ADAMTS19: variants seen among roughly 807,000 people sequenced by gnomAD.
ADAMTS19 encodes A disintegrin and metalloproteinase with thrombospondin motifs 19.
Under a neutral mutation model 153.3 loss-of-function variants are expected in ADAMTS19, and 93 were observed. The observed-to-expected ratio is 0.61, with a 90% CI of 0.51 to 0.72. The LOEUF (loss-of-function observed/expected upper bound fraction) is 0.72, where lower values mean the gene tolerates loss of function less well. Ranked by LOEUF, ADAMTS19 falls within the 30% of genes least tolerant of loss-of-function variation. The probability of loss-of-function intolerance (pLI) is 0.00; values close to 1 mark genes in which losing one functional copy is unlikely to be tolerated. For missense variants in ADAMTS19, 1,482 were observed against 1,552.1 expected, an observed-to-expected ratio of 0.95 and a Z score of 0.76; for synonymous variants, 600 against 556.6, an observed-to-expected ratio of 1.08 and a Z score of -1.10.
intron 21 of ADAMTS19, among the ~76,000 whole-genome samples, chr5:129,723,941 G>A (rs924602960): frequency 3.9e-5 from 6 of 152,204 alleles, no homozygotes; most frequent in Non-Finnish European, 5.9e-5. Context: ...AAGATGTTCT[G>A]ATTGGCAATT....
intron 18 of ADAMTS19, among the ~76,000 whole-genome samples, chr5:129,687,859 C>T (rs957411293): frequency 6.6e-6 from 1 of 152,066 alleles, no homozygotes; most frequent in Non-Finnish European, 1.5e-5. Flanking sequence ...TTATTATATT[C>T]TGTTATGTAA....
Position 129,460,471 on chromosome 5 carries a change from G to C in ADAMTS19, c.80G>C (p.Gly27Ala), listed in dbSNP as rs769756874. ...LLYQLGFLSN[G>A]IVSELQFAPD... ...TACCAGCTGGGGTTCCTGTCGAATG[G>C]GATCGTTTCAGGTAAGTTCTTCCGT... The change falls in exon 1 of 23, where the codon GGG becomes GCG. Residue 27 changes from glycine to alanine, a missense_variant. Around this residue, in one of 2 missense-constraint regions of ADAMTS19, gnomAD observed 866 missense variants for 827.7 expected, o/e 1.05. Transcript: ENST00000274487. 17 of 1,614,146 alleles carry C rather than the reference G, an allele frequency of 1.1e-5. No homozygotes were observed. The East Asian group carries it at 3.6e-4, about 34-fold the overall frequency.
intron 16 of ADAMTS19, among the ~76,000 whole-genome samples, chr5:129,676,191 G>T (rs1283152929): frequency 6.6e-6 from 1 of 152,006 alleles, no homozygotes; most frequent in Non-Finnish European, 1.5e-5. Context: ...TTGGATGCTG[G>T]ATATTATGAA....
At chr5:129,498,778 G>A (rs1751006207) in intron 2 of ADAMTS19, among the ~76,000 whole-genome samples, 1 of 149,364 alleles carries the variant, frequency 6.7e-6, no homozygotes, top group Admixed American at 6.7e-5. Flanking sequence ...ACCCTTTCTG[G>A]CTTCTCTAGC....
chr5:129,571,206 A>G (rs190407327), intron 7 of ADAMTS19, among the ~76,000 whole-genome samples: 88 of 152,084 alleles, frequency 5.8e-4, no homozygotes, highest in Non-Finnish European at 1.1e-3. Context: ...AAATGAGGTT[A>G]GCAGAATCAA....
At chr5:129,588,498 T>C (rs1749932664) in intron 7 of ADAMTS19, among the ~76,000 whole-genome samples, 1 of 152,104 alleles carries the variant, frequency 6.6e-6, no homozygotes, top group Non-Finnish European at 1.5e-5. Context: ...TCTGTATCTT[T>C]ACTTTCTTTT....
At chr5:129,617,548 G>C (rs1462790237) in intron 8 of ADAMTS19, among the ~76,000 whole-genome samples, 6 of 152,014 alleles carry the variant, frequency 3.9e-5, no homozygotes, top group African/African-American at 1.4e-4. Context: ...TGTATGGTTT[G>C]AAAGATTATG....
chr5:129,647,455 C>T (rs115179330), intron 11 of ADAMTS19, among the ~76,000 whole-genome samples: 1,792 of 152,134 alleles, frequency 0.012, 38 homozygotes, highest in African/African-American at 0.041. Flanking sequence ...GATTTTCTTT[C>T]CTGGTTGTGC....
chr5:129,635,704 CAG>C (rs1177628149), intron 10 of ADAMTS19, among the ~76,000 whole-genome samples: 1 of 151,944 alleles, frequency 6.6e-6, no homozygotes, highest in African/African-American at 2.4e-5. Flanking sequence ...TAAATGGACA[CAG>C]AGGGGAACAA....
At chr5:129,627,438 T>C (rs1024693799) in intron 10 of ADAMTS19, among the ~76,000 whole-genome samples, 2 of 151,982 alleles carry the variant, frequency 1.3e-5, no homozygotes, top group African/African-American at 4.8e-5. Flanking sequence ...GGTCTGGACA[T>C]AGGAATGAGC....
rs1226841355 is a variant in ADAMTS19 at position 129,528,523 on chromosome 5, G to C, written c.1174G>C (p.Glu392Gln). Residue 392 changes from glutamate (E) to glutamine (Q), a missense_variant, in exon 6 of 23, where the codon GAA becomes CAA. Coordinates refer to ENST00000274487, the MANE Select transcript of ADAMTS19 (RefSeq NM_133638.6). Reference sequence around the variant, plus strand: ...GATGAGCTCTGTTCTTTTGCAGCCAGAACTATATATTGGGCATCATGGAGA... The same window carrying C: ...GATGAGCTCTGTTCTTTTGCAGCCACAACTATATATTGGGCATCATGGAGA... Reference protein sequence around the residue: ...KLILLHETPPELYIGHHGEKM... With the variant: ...KLILLHETPPQLYIGHHGEKM... The C allele has an allele frequency of 1.3e-6, 2 of 1,589,788 alleles. No individual in the cohort carries two copies. Among genetic ancestry groups the C allele is most frequent in the African/African-American group, 2.7e-5 (2 of 73,260 alleles).
chr5:129,718,256 TTTGA>T (rs908045877), intron 21 of ADAMTS19, among the ~76,000 whole-genome samples: 45 of 147,838 alleles, frequency 3.0e-4, no homozygotes, highest in African/African-American at 9.5e-4. Flanking sequence ...AAGCAATCTG[TTTGA>T]TTTTGTCACA....
At position 129,610,402 on chromosome 5, in the gene ADAMTS19, T is replaced by A. The variant is rs148300041; in HGVS notation, c.1479-10216T>A. ...TGTGCTGCACCCATTAACTTGTCAG[T>A]TACATTGGGTATATCTCCTAATGCT... On this transcript the variant is annotated intron_variant, in intron 8 of 22. Transcript: ENST00000274487. 8.8e-3 allele frequency among the ~76,000 whole-genome samples: 1,335 copies of A among 152,240 alleles called. 8 individuals are homozygous for A. The highest frequency in any genetic ancestry group is 0.01 in the Non-Finnish European group (700 of 68,016).
chr5:129,671,296 T>C (rs948166741), intron 16 of ADAMTS19, among the ~76,000 whole-genome samples: 1 of 152,116 alleles, frequency 6.6e-6, no homozygotes. Flanking sequence ...TGAGTGTTGA[T>C]AGAGGATAAA....
chr5:129,509,344 TG>T, intron 3 of ADAMTS19, 102 bp downstream of exon 3: 1 of 1,104,150 alleles, frequency 9.1e-7, no homozygotes. Flanking sequence ...TTATTTTTAA[TG>T]TAGAATCTTT....
At chr5:129,493,512 T>A (rs968328825) in intron 2 of ADAMTS19, among the ~76,000 whole-genome samples, 2 of 151,872 alleles carry the variant, frequency 1.3e-5, no homozygotes, top group Non-Finnish European at 2.9e-5. Context: ...TGCTTTGTAA[T>A]TTTTTAAAAA....
At chr5:129,512,370 A>T (rs543700118) in intron 3 of ADAMTS19, among the ~76,000 whole-genome samples, 12 of 152,190 alleles carry the variant, frequency 7.9e-5, no homozygotes, top group African/African-American at 2.9e-4. Flanking sequence ...GAATAATTCT[A>T]CATTTCTTCT....
intron 6 of ADAMTS19, among the ~76,000 whole-genome samples, chr5:129,537,614 A>G (rs534211301): frequency 1.1e-3 from 164 of 152,274 alleles, no homozygotes; most frequent in Non-Finnish European, 1.6e-3. Context: ...TGTTGAGTTC[A>G]TGTCCTTTGT....
chr5:129,461,199 C>A lies in ADAMTS19; in HGVS notation c.189C>A (p.Ser63Arg). 7.5e-7 allele frequency: 1 copy of A among 1,327,310 alleles called. No homozygotes were observed. The allele number at this position is 1,327,310 out of a possible 1,614,324, so 82.2% of individuals were successfully genotyped here. A position where few individuals can be genotyped will look rare whatever the true frequency, so the allele number is the denominator to read the frequency against. The change falls in exon 2 of 23, where the codon AGC (serine) becomes AGA (arginine). Residue 63 changes from serine (S) to arginine (R), a missense_variant. Ser to Arg is a moderately radical substitution (Grantham distance 110). Around this residue, in one of 2 missense-constraint regions of ADAMTS19, gnomAD observed 866 missense variants for 827.7 expected, o/e 1.05. Transcript: ENST00000274487. The surrounding 1 kb of genome is among the most constrained non-coding windows in gnomAD (Gnocchi z 4.6). ...ACCCGGCTGGCGGCAGCGGGGGCAG[C>A]GCGGACCCGGGCTGGGTGCGCGGCG... is the stretch of plus-strand genomic sequence containing the variant. ...PVDPAGGSGG[S>R]ADPGWVRGVG... is the part of the protein sequence containing the mutation.
Sources: allele counts gnomAD v4.1 joint callset (sites outside exome capture counted in the v4.1 genomes callset), GRCh38; gene constraint gnomAD v4.1.1; regional missense constraint gnomAD v4.1.1; non-coding constraint Gnocchi (gnomAD v3.1); transcripts MANE v1.5; gene names NCBI Gene and HGNC (gene_info 2026-07-23, HGNC 2026-07-21).